The following FA2H variants were observed in gnomAD, a reference collection of about 807,000 sequenced individuals.
FA2H encodes fatty acid alpha-hydroxylase.
FA2H carries 22 observed loss-of-function variants against 44.9 expected under a neutral mutation model. That is an observed-to-expected ratio of 0.49 (90% CI 0.35 to 0.70). The LOEUF (loss-of-function observed/expected upper bound fraction) is 0.70. Ranked by LOEUF, FA2H falls within the 30% of genes least tolerant of loss-of-function variation. The pLI, the probability that FA2H is intolerant of heterozygous loss-of-function variation, is 0.01. For synonymous variants in FA2H, 243 were observed against 213.2 expected (o/e 1.14, Z -1.22); for missense variants, 501 against 504.9 (o/e 0.99, Z 0.07).
At chr16:74,754,484 G>A (rs4888281) in intron 1 of FA2H, among the ~76,000 whole-genome samples, 30,282 of 152,040 alleles carry the variant, frequency 0.2, 3,885 homozygotes, top group Middle Eastern at 0.29. Context: ...ACTCATGTCC[G>A]CCCAGAGCTT....
chr16:74,741,096 C>G (rs1962286000), intron 1 of FA2H: 1 of 152,264 alleles, frequency 6.6e-6, no homozygotes, highest in African/African-American at 2.4e-5. Context: ...GCACACAGCC[C>G]CAGCCAGCTC....
chr16:74,767,755 T>C (rs548551321), intron 1 of FA2H, among the ~76,000 whole-genome samples: 1 of 152,218 alleles, frequency 6.6e-6, no homozygotes, highest in East Asian at 1.9e-4. Context: ...ACTTTGGAAC[T>C]GTAAGAGAGT....
intron 1 of FA2H, among the ~76,000 whole-genome samples, chr16:74,757,901 C>T (rs1049071672): frequency 2.0e-5 from 3 of 152,010 alleles, no homozygotes; most frequent in African/African-American, 7.2e-5. Flanking sequence ...TGCCTGTAGT[C>T]CCAGCTATTT....
At chr16:74,740,844 G>T (rs1962282150) in intron 1 of FA2H, among the ~76,000 whole-genome samples, 1 of 152,036 alleles carries the variant, frequency 6.6e-6, no homozygotes, top group African/African-American at 2.4e-5. Context: ...GTAGCGCCCA[G>T]GGCACCTGGT....
At chr16:74,748,091 GGGACAGGCATTCAAATA>G (rs879771019) in intron 1 of FA2H, among the ~76,000 whole-genome samples, 62 of 152,330 alleles carry the variant, frequency 4.1e-4, no homozygotes, top group Admixed American at 6.5e-4. Context: ...TGGCCCCGGG[GGGACAGGCATTCAAATA>G]GGACAGGCAT....
At position 74,719,012 on chromosome 16, in the gene FA2H, G is replaced by A. The variant is rs797045569; in HGVS notation, c.762C>T (p.Phe254=). The change falls in exon 5 of 7, where the codon TTC becomes TTT. Residue 254 remains phenylalanine (F), a synonymous_variant. Transcript: ENST00000219368. ...CCTTGTGGTGCTGGCCGTGCATGAC[G>A]AAGTGCAGCATGATGAGGTAATAGC... ...SDSYYLIMLH[F]VMHGQHHKAP... The A allele has an allele frequency of 1.6e-5, 26 of 1,613,942 alleles. No homozygotes were observed. Among genetic ancestry groups the A allele is most frequent in the East Asian group, 4.5e-5 (2 of 44,882 alleles).
intron 4 of FA2H, among the ~76,000 whole-genome samples, chr16:74,723,523 CCTT>C (rs1293826039): frequency 8.5e-5 from 13 of 152,200 alleles, no homozygotes; most frequent in Admixed American, 8.5e-4. Flanking sequence ...CCGTCTTCCT[CCTT>C]CTTCCCGCCC....
intron 1 of FA2H, among the ~76,000 whole-genome samples, chr16:74,757,529 T>C (rs1193695920): frequency 1.3e-5 from 2 of 152,164 alleles, no homozygotes; most frequent in African/African-American, 4.8e-5. Flanking sequence ...TGCAAAGGGA[T>C]TGTGTAAGAA....
At chr16:74,753,636 G>A (rs1962567014) in intron 1 of FA2H, among the ~76,000 whole-genome samples, 2 of 152,002 alleles carry the variant, frequency 1.3e-5, no homozygotes, top group Non-Finnish European at 2.9e-5. Flanking sequence ...TTGCACCTCT[G>A]TACTCCAGCC....
intron 1 of FA2H, 141 bp from the exon 2 acceptor site, chr16:74,740,256 T>A (rs535954009): frequency 2.8e-6 from 2 of 726,360 alleles, no homozygotes; most frequent in African/African-American, 1.7e-5. Flanking sequence ...GGACGCTGGG[T>A]ACTTTGGAAA....
At chr16:74,749,462 G>A (rs73614700) in intron 1 of FA2H, among the ~76,000 whole-genome samples, 2,144 of 151,800 alleles carry the variant, frequency 0.014, 48 homozygotes, top group African/African-American at 0.049. Flanking sequence ...AAAACCAGCA[G>A]GAAACCTGTG....
intron 4 of FA2H, among the ~76,000 whole-genome samples, chr16:74,724,592 T>G (rs1961911348): frequency 6.6e-6 from 1 of 152,178 alleles, no homozygotes; most frequent in African/African-American, 2.4e-5. Context: ...TGTGGGCTCT[T>G]ATTTTCTCTG....
At chr16:74,727,562 C>T (rs967784896) in intron 2 of FA2H, among the ~76,000 whole-genome samples, 176 bp from the exon 3 acceptor site, 2 of 152,248 alleles carry the variant, frequency 1.3e-5, no homozygotes, top group African/African-American at 4.8e-5. Flanking sequence ...CTCATCCCAG[C>T]CCCCAGCCAC....
intron 2 of FA2H, among the ~76,000 whole-genome samples, chr16:74,738,084 G>C (rs923580702): frequency 1.3e-5 from 2 of 152,236 alleles, no homozygotes; most frequent in African/African-American, 4.8e-5. Flanking sequence ...GCGCTGAAGG[G>C]GTTCCCATGC....
intron 1 of FA2H, among the ~76,000 whole-genome samples, chr16:74,761,909 C>T (rs7206186): frequency 0.087 from 13,310 of 152,218 alleles, 667 homozygotes; most frequent in African/African-American, 0.12. Context: ...AAGGAAGAAG[C>T]CTTTCAAAAG....
At chr16:74,718,824 C>T (rs933890459) in intron 5 of FA2H, among the ~76,000 whole-genome samples, 164 bp downstream of exon 5, 1 of 152,204 alleles carries the variant, frequency 6.6e-6, no homozygotes, top group African/African-American at 2.4e-5. Context: ...GGCTTAGGTT[C>T]GGATGCCCAA....
chr16:74,717,519 C>T (rs1212175810), intron 5 of FA2H, among the ~76,000 whole-genome samples: 1 of 152,196 alleles, frequency 6.6e-6, no homozygotes, highest in Non-Finnish European at 1.5e-5. Flanking sequence ...ACTGCCCTGG[C>T]GCTTTCAAGC....
rs559249759 is a variant in FA2H, at chr16:74,766,569, G to A, written c.270+7917C>T. 3.9e-5 allele frequency among the ~76,000 whole-genome samples: 6 copies of A among 152,152 alleles called. No homozygotes were observed. In the South Asian group the frequency reaches 8.3e-4, roughly 21 times the overall value. On this transcript the variant is annotated intron_variant, in intron 1 of 6. Coordinates refer to ENST00000219368, the MANE Select transcript of FA2H (RefSeq NM_024306.5). ...GAGGAAGACCTGCCCAAGAGACTGC[G>A]ACAATAGTGAGTGTAGCGAGGCTCT... is the stretch of plus-strand genomic sequence containing the variant.
chr16:74,730,495 G>A (rs1346913366), intron 2 of FA2H, among the ~76,000 whole-genome samples: 2 of 152,098 alleles, frequency 1.3e-5, no homozygotes, highest in African/African-American at 4.8e-5. Context: ...TGGAGTCATT[G>A]GAAGTGTGCT....
Sources: gnomAD v4.1 joint callset for allele counts (sites outside exome capture counted in the v4.1 genomes callset) on GRCh38, gnomAD v4.1.1 for gene constraint, MANE v1.5 for transcripts, NCBI Gene and HGNC (gene_info 2026-07-23, HGNC 2026-07-21) for gene names.